MAPRE2: variants seen among roughly 807,000 people sequenced by gnomAD.
The protein encoded by MAPRE2 is microtubule associated protein RP/EB family member 2.
A neutral mutation model predicts 43.2 loss-of-function variants in MAPRE2; 13 were observed. That is an observed-to-expected ratio of 0.30 (90% confidence interval 0.20 to 0.48). MAPRE2 has a LOEUF of 0.48. MAPRE2 is among the 20% of genes least tolerant of loss of function. The pLI, the probability that MAPRE2 is intolerant of heterozygous loss-of-function variation, is 0.99. For synonymous variants in MAPRE2, 135 were observed against 148.8 expected, an observed-to-expected ratio of 0.91 and a Z score of 0.68; for missense variants, 161 against 400.2, an observed-to-expected ratio of 0.40 and a Z score of 5.10.
chr18:35,004,265 A>T (rs905330253), intron 1 of MAPRE2, among the ~76,000 whole-genome samples: 2 of 152,208 alleles, frequency 1.3e-5, no homozygotes, highest in South Asian at 4.1e-4. Flanking sequence ...TAATCACATC[A>T]TGTTGGATCT....
chr18:34,986,313 G>C (rs2097020975), intron 1 of MAPRE2, among the ~76,000 whole-genome samples: 2 of 152,138 alleles, frequency 1.3e-5, no homozygotes, highest in South Asian at 4.2e-4. Context: ...TCTTAAATCT[G>C]ATCAATTTAA....
intron 1 of MAPRE2, among the ~76,000 whole-genome samples, chr18:35,001,811 A>C (rs1286603476): frequency 1.3e-5 from 2 of 152,208 alleles, no homozygotes; most frequent in Non-Finnish European, 2.9e-5. Context: ...AAAGGTAAGA[A>C]AATAAAACTA....
intron 1 of MAPRE2, among the ~76,000 whole-genome samples, chr18:35,063,343 G>T (rs149263610): frequency 1.3e-5 from 2 of 151,932 alleles, no homozygotes; most frequent in South Asian, 4.2e-4. Flanking sequence ...TCCTGACCTC[G>T]TGATCCGCCC....
At chr18:35,051,104 G>A (rs1905913268) in intron 1 of MAPRE2, among the ~76,000 whole-genome samples, 2 of 152,172 alleles carry the variant, frequency 1.3e-5, no homozygotes, top group African/African-American at 2.4e-5. Context: ...ATGGAGGACA[G>A]TGAGGGTTTC....
chr18:35,077,757 C>G (rs1443069146), intron 2 of MAPRE2, among the ~76,000 whole-genome samples: 2 of 152,082 alleles, frequency 1.3e-5, no homozygotes, highest in Admixed American at 1.3e-4. Flanking sequence ...TTACAGAAAC[C>G]TTTAGAGCCA....
At chr18:34,987,656 T>C (rs2076653294) in intron 1 of MAPRE2, among the ~76,000 whole-genome samples, 1 of 152,132 alleles carries the variant, frequency 6.6e-6, no homozygotes. Context: ...AAAATATTAT[T>C]TTTTGAGACA....
In MAPRE2 at chr18:35,023,924, G is replaced by A. The variant is rs546683693; in HGVS notation, c.-8+18371G>A. ...CAAAATATAACCATTTTACTATATT[G>A]TCAAATATTGTCAAGTATGTACCGT... is the stretch of plus-strand genomic sequence containing the variant. On this transcript the variant is annotated intron_variant, in intron 2 of 7. Coordinates refer to the MAPRE2 transcript ENST00000413393. Among the ~76,000 whole-genome samples, 19 of 152,096 alleles carry A rather than the reference G, an allele frequency of 1.2e-4. 1 individual carries two copies. In the East Asian group the frequency reaches 3.5e-3, roughly 28 times the overall value.
In MAPRE2 at chr18:35,127,122, A is replaced by G. The variant is rs773518852; in HGVS notation, c.750+35A>G. 1.1e-5 allele frequency: 18 copies of G among 1,613,234 alleles called. No individual in the cohort carries two copies. The South Asian group carries it at 1.4e-4, about 13-fold the overall frequency. Reference sequence around the variant, plus strand: ...CAGCTCTGGCCACGCCTCTAGGAGCAGTGACGTGTGTAAGAGGTAGGGGGC... The same window carrying G: ...CAGCTCTGGCCACGCCTCTAGGAGCGGTGACGTGTGTAAGAGGTAGGGGGC... On this transcript the variant is annotated intron_variant, in intron 5 of 6. Coordinates refer to ENST00000300249, the MANE Select transcript of MAPRE2 (RefSeq NM_014268.4).
chr18:35,026,170 G>A (rs968582356), intron 2 of MAPRE2, among the ~76,000 whole-genome samples: 3 of 151,992 alleles, frequency 2.0e-5, no homozygotes, highest in African/African-American at 4.8e-5. Flanking sequence ...CAGCGGGAGA[G>A]GAATGGGCAG....
intron 1 of MAPRE2, among the ~76,000 whole-genome samples, chr18:35,069,465 A>G (rs1252087059): frequency 6.6e-6 from 1 of 152,200 alleles, no homozygotes; most frequent in Non-Finnish European, 1.5e-5. Flanking sequence ...CTCCAAAATA[A>G]TCTGGCTTGG....
At chr18:35,106,077 A>G (rs2144189833) in intron 4 of MAPRE2, among the ~76,000 whole-genome samples, 1 of 152,286 alleles carries the variant, frequency 6.6e-6, no homozygotes, top group African/African-American at 2.4e-5. Flanking sequence ...AGAGCAAATG[A>G]AAGGTGATGG....
chr18:35,003,579 A>G (rs1011083469), intron 1 of MAPRE2, among the ~76,000 whole-genome samples: 1 of 152,252 alleles, frequency 6.6e-6, no homozygotes, highest in Admixed American at 6.5e-5. Flanking sequence ...GACCGTTGTC[A>G]GAAAATAGAA....
intron 1 of MAPRE2, 24 bp downstream of exon 1, chr18:35,041,685 G>C: frequency 6.2e-7 from 1 of 1,613,966 alleles, no homozygotes; most frequent in South Asian, 1.1e-5. Flanking sequence ...CACGAGAGCA[G>C]CGCCGGGGAC....
chr18:34,980,023 C>CT lies in MAPRE2; in HGVS notation c.-70+2951dup, dbSNP rs1450524683. On this transcript the variant is annotated intron_variant, in intron 1 of 7. Coordinates refer to the MAPRE2 transcript ENST00000413393. Reference sequence around the variant, plus strand: ...TTTCTTTTCTTTTCTTTTTCTTTTTCTTTTTTTCTTTTTTTTTTTTTTTTT... The same window carrying CT: ...TTTCTTTTCTTTTCTTTTTCTTTTTCTTTTTTTTCTTTTTTTTTTTTTTTTT... 4.8e-4 allele frequency among the ~76,000 whole-genome samples: 64 copies of CT among 132,486 alleles called. 1 individual carries two copies. The highest frequency in any genetic ancestry group is 3.2e-3 in the South Asian group (14 of 4,342). 86.9% of individuals were successfully genotyped at this position (132,486 alleles called of 152,430 possible). A position where few individuals can be genotyped will look rare whatever the true frequency, so the allele number is the denominator to read the frequency against.
At chr18:35,018,162 C>A (rs1178403237) in intron 2 of MAPRE2, among the ~76,000 whole-genome samples, 1 of 151,930 alleles carries the variant, frequency 6.6e-6, no homozygotes, top group Non-Finnish European at 1.5e-5. Flanking sequence ...ACGAAGCCTA[C>A]TTGATCGTGG....
intron 1 of MAPRE2, among the ~76,000 whole-genome samples, chr18:35,042,652 T>G (rs1477659394): frequency 6.6e-6 from 1 of 152,230 alleles, no homozygotes; most frequent in Non-Finnish European, 1.5e-5. Context: ...GAAGTTCTTT[T>G]GTACTGGGGT....
chr18:35,075,556 A>C (rs968619349), intron 2 of MAPRE2, among the ~76,000 whole-genome samples: 2 of 152,234 alleles, frequency 1.3e-5, no homozygotes, highest in Non-Finnish European at 2.9e-5. Flanking sequence ...TATTTGCTGT[A>C]AGAAAGTTAG....
intron 1 of MAPRE2, among the ~76,000 whole-genome samples, chr18:34,994,874 G>A (rs1447034144): frequency 6.6e-6 from 1 of 152,158 alleles, no homozygotes; most frequent in Non-Finnish European, 1.5e-5. Flanking sequence ...CTCAAACCCA[G>A]GGGATGATAC....
chr18:35,118,432 A>G (rs1312478505), intron 4 of MAPRE2, among the ~76,000 whole-genome samples: 1 of 152,164 alleles, frequency 6.6e-6, no homozygotes, highest in Non-Finnish European at 1.5e-5. Context: ...TAACATTGCA[A>G]AACATAGGTT....
Sources: allele counts gnomAD v4.1 joint callset (sites outside exome capture counted in the v4.1 genomes callset), GRCh38; gene constraint gnomAD v4.1.1; transcripts MANE v1.5; gene names NCBI Gene and HGNC (gene_info 2026-07-23, HGNC 2026-07-21).